The following PPP2CA variants were observed in gnomAD, a reference collection of about 807,000 sequenced individuals.
PPP2CA encodes the protein protein phosphatase 2 catalytic subunit alpha.
Under a neutral mutation model 38.8 loss-of-function variants are expected in PPP2CA, and 5 were observed. The observed-to-expected ratio is 0.13, with a 90% CI of 0.07 to 0.27. The LOEUF (loss-of-function observed/expected upper bound fraction) is 0.27, where lower values mean the gene tolerates loss of function less well. Among genes scored for constraint, PPP2CA ranks in the 10% least tolerant of loss-of-function variants. The probability of loss-of-function intolerance (pLI) is 1.00; values close to 1 mark genes in which losing one functional copy is unlikely to be tolerated. For missense variants in PPP2CA, 88 were observed against 389.7 expected, an observed-to-expected ratio of 0.23 and a Z score of 6.52; for synonymous variants, 152 against 134.0, an observed-to-expected ratio of 1.13 and a Z score of -0.93.
Position 134,200,599 on chromosome 5 carries a change from GAT to G in PPP2CA, c.577-105_577-104del, listed in dbSNP as rs1761949417. ...GCACCCTAAGCCACCCTTTTTGAGT[GAT>G]GTTTGTGGACAATGCTAATAGACTG... On this transcript the variant is annotated intron_variant, in intron 4 of 6. Transcript: ENST00000481195. 2.4e-6 allele frequency: 3 copies of G among 1,242,650 alleles called. No individual in the cohort carries two copies. The South Asian group carries it at 4.4e-5, about 18-fold the overall frequency. 77.0% of individuals were successfully genotyped at this position (1,242,650 alleles called of 1,614,324 possible). A position where few individuals can be genotyped will look rare whatever the true frequency, so the allele number is the denominator to read the frequency against.
In PPP2CA at chr5:134,211,935, T is replaced by G. The variant is rs535019590; in HGVS notation, c.103-5804A>C. On this transcript the variant is annotated intron_variant, in intron 1 of 6. Transcript: ENST00000481195. ...GAGTTCGAAACCAGCCTGGCCAACA[T>G]GGTGAAACCCCATCTGTACTAAAAA... is the stretch of plus-strand genomic sequence containing the variant. Among the ~76,000 whole-genome samples the G allele has an allele frequency of 9.2e-5, 14 of 152,090 alleles. No individual in the cohort carries two copies. In the South Asian group the frequency reaches 2.9e-3, roughly 32 times the overall value.
intron 1 of PPP2CA, among the ~76,000 whole-genome samples, chr5:134,215,512 T>C (rs1338672036): frequency 1.3e-5 from 2 of 152,020 alleles, no homozygotes; most frequent in African/African-American, 2.4e-5. Context: ...GAGGTGGAGG[T>C]TGCAGTGAGC....
intron 1 of PPP2CA, among the ~76,000 whole-genome samples, chr5:134,210,357 T>A (rs547753197): frequency 1.1e-3 from 175 of 152,314 alleles, no homozygotes; most frequent in African/African-American, 3.5e-3. Flanking sequence ...TTATTTTTAA[T>A]AACCACCTTT....
chr5:134,199,755 C>T (rs1309200816), intron 5 of PPP2CA, among the ~76,000 whole-genome samples: 2 of 146,634 alleles, frequency 1.4e-5, no homozygotes, highest in East Asian at 4.0e-4. Flanking sequence ...AATGCATGAG[C>T]TACTTTTGTT....
chr5:134,217,193 T>A (rs536477909), intron 1 of PPP2CA, among the ~76,000 whole-genome samples: 2 of 152,048 alleles, frequency 1.3e-5, no homozygotes, highest in Non-Finnish European at 2.9e-5. Context: ...GGCAGGAGAA[T>A]TGCTTGAATC....
At chr5:134,199,439 T>TA (rs11372222) in intron 5 of PPP2CA, 157,957 of 250,264 alleles carry the variant, frequency 0.63, 43,986 homozygotes, top group African/African-American at 0.67. Flanking sequence ...TTTAGTACTT[T>TA]AAAAAAAAAA....
chr5:134,224,048 G>A (rs1762503869), intron 1 of PPP2CA, among the ~76,000 whole-genome samples: 1 of 152,194 alleles, frequency 6.6e-6, no homozygotes, highest in African/African-American at 2.4e-5. Flanking sequence ...TCGCAGTCCA[G>A]TCTTCCAGTT....
intron 1 of PPP2CA, among the ~76,000 whole-genome samples, chr5:134,219,135 G>A (rs889440627): frequency 1.3e-5 from 2 of 152,060 alleles, no homozygotes; most frequent in Non-Finnish European, 2.9e-5. Flanking sequence ...GATCACCACC[G>A]GCACAAGCAT....
intron 1 of PPP2CA, among the ~76,000 whole-genome samples, chr5:134,210,397 C>T (rs993196181): frequency 6.6e-6 from 1 of 152,128 alleles, no homozygotes; most frequent in Admixed American, 6.5e-5. Flanking sequence ...TCTGTAAAGT[C>T]TCATATCACC....
chr5:134,216,892 A>G (rs1183036603), intron 1 of PPP2CA, among the ~76,000 whole-genome samples: 1 of 152,170 alleles, frequency 6.6e-6, no homozygotes, highest in Non-Finnish European at 1.5e-5. Context: ...ATCAAACTCA[A>G]AATCAGACAC....
chr5:134,209,745 T>G (rs2149385568), intron 1 of PPP2CA, among the ~76,000 whole-genome samples: 1 of 150,312 alleles, frequency 6.7e-6, no homozygotes, highest in African/African-American at 2.5e-5. Context: ...TCCACTGCAC[T>G]ACAGCCAGAG....
rs57793063 is a variant in PPP2CA at position 134,210,639 on chromosome 5, C to A, written c.103-4508G>T. ...CAGGTGGATCATTTGAGGTCAAGAGCTTGAGACCAGCCTGACCAACATAGT... is the reference window on the plus strand; with the variant it reads ...CAGGTGGATCATTTGAGGTCAAGAGATTGAGACCAGCCTGACCAACATAGT... On this transcript the variant is annotated intron_variant, in intron 1 of 6. Coordinates refer to ENST00000481195, the MANE Select transcript of PPP2CA (RefSeq NM_002715.4). Among the ~76,000 whole-genome samples the A allele has an allele frequency of 6.9e-3, 1,045 of 152,186 alleles. 12 individuals carry two copies. Among genetic ancestry groups the A allele is most frequent in the African/African-American group, 0.024 (997 of 41,506 alleles).
intron 1 of PPP2CA, among the ~76,000 whole-genome samples, chr5:134,219,287 G>C (rs1484414041): frequency 6.6e-6 from 1 of 152,190 alleles, no homozygotes; most frequent in African/African-American, 2.4e-5. Flanking sequence ...AAGCTCAATA[G>C]TGACAATAAT....
chr5:134,216,591 G>A (rs1002065347), intron 1 of PPP2CA, among the ~76,000 whole-genome samples: 14 of 138,528 alleles, frequency 1.0e-4, no homozygotes, highest in Middle Eastern at 4.0e-3. Context: ...GTCAAACACC[G>A]AAGAACCCCA....
At chr5:134,207,160 T>C (rs1338244536) in intron 1 of PPP2CA, among the ~76,000 whole-genome samples, 4 of 152,116 alleles carry the variant, frequency 2.6e-5, no homozygotes, top group African/African-American at 7.2e-5. Context: ...TCCCAGCACT[T>C]TGGGAGGCCA....
At chr5:134,225,398 G>A in intron 1 of PPP2CA, 1 of 222,824 alleles carries the variant, frequency 4.5e-6, no homozygotes, top group Non-Finnish European at 9.0e-6. Flanking sequence ...CACCGGAGAG[G>A]CCCAGGCTCC....
chr5:134,207,038 G>C (rs995882892), intron 1 of PPP2CA, among the ~76,000 whole-genome samples: 1 of 152,222 alleles, frequency 6.6e-6, no homozygotes, highest in Non-Finnish European at 1.5e-5. Flanking sequence ...TGTTGCTAAT[G>C]AGCCATGACA....
chr5:134,206,093 C>G lies in PPP2CA; in HGVS notation c.141G>C (p.Glu47Asp). Residue 47 changes from glutamate to aspartate, a missense_variant, in exon 2 of 7, where the codon GAG (glutamate) becomes GAC (aspartate). Glu to Asp is a conservative substitution (Grantham distance 45). Coordinates refer to ENST00000481195, the MANE Select transcript of PPP2CA (RefSeq NM_002715.4). Reference sequence around the variant, plus strand: ...CACAGACAGTAACTGGACATCGAACCTCTTGCACGTTGGATTCTTTTGTCA... The same window carrying G: ...CACAGACAGTAACTGGACATCGAACGTCTTGCACGTTGGATTCTTTTGTCA... ...EILTKESNVQ[E>D]VRCPVTVCGD... The G allele has an allele frequency of 1.9e-6, 3 of 1,614,128 alleles. No individual in the cohort carries two copies. Among genetic ancestry groups the G allele is most frequent in the Non-Finnish European group, 2.5e-6 (3 of 1,180,006 alleles).
At chr5:134,212,878 G>A (rs1299525174) in intron 1 of PPP2CA, among the ~76,000 whole-genome samples, 3 of 152,186 alleles carry the variant, frequency 2.0e-5, no homozygotes, top group African/African-American at 7.2e-5. Flanking sequence ...TCAGAGGTAG[G>A]TCCTAATTCT....
Sources: allele counts gnomAD v4.1 joint callset (sites outside exome capture counted in the v4.1 genomes callset), GRCh38; gene constraint gnomAD v4.1.1; transcripts MANE v1.5; gene names NCBI Gene and HGNC (gene_info 2026-07-23, HGNC 2026-07-21).